TIMELESS: variants seen among roughly 807,000 people sequenced by gnomAD.
TIMELESS encodes the protein timeless circadian regulator.
In TIMELESS, 124 loss-of-function variants were observed where a neutral mutation model predicts 164.3. The ratio of observed to expected loss-of-function variants is 0.75; its 90% CI spans 0.65 to 0.88. The LOEUF (loss-of-function observed/expected upper bound fraction) is 0.88, where lower values mean the gene tolerates loss of function less well. TIMELESS is among the 40% of genes least tolerant of loss of function. The pLI, the probability that TIMELESS is intolerant of heterozygous loss-of-function variation, is 0.00. For missense variants in TIMELESS, 1,422 were observed against 1,491.4 expected (o/e 0.95, Z 0.77); for synonymous variants, 564 against 563.4 (o/e 1.00, Z -0.02).
intron 19 of TIMELESS, among the ~76,000 whole-genome samples, chr12:56,422,467 T>C (rs776700733): frequency 3.9e-5 from 6 of 152,040 alleles, no homozygotes; most frequent in Non-Finnish European, 8.8e-5. Flanking sequence ...AGAGACTAAG[T>C]GTGAAAGGAG....
chr12:56,434,320 C>A, intron 1 of TIMELESS, 89 bp from the exon 2 acceptor site: 1 of 651,902 alleles, frequency 1.5e-6, no homozygotes, highest in South Asian at 1.9e-5. Flanking sequence ...TCAGAATATT[C>A]TGAACAAGAT....
Position 56,421,413 on chromosome 12 carries a change from G to A in TIMELESS, c.2806C>T (p.Leu936=), listed in dbSNP as rs753128564. The change falls in exon 23 of 29, where the codon CTG becomes TTG. Residue 936 remains leucine (L), a synonymous_variant. Coordinates refer to ENST00000553532, the MANE Select transcript of TIMELESS (RefSeq NM_003920.5). ...TACAGCTCCCGCCGCTCAGCCACCA[G>A]CCCCAGAGCCAAGAGTTTATCCACT... The part of the protein sequence containing the change: ...RIVDKLLALG[L]VAERRELYKK... 1.2e-6 allele frequency: 2 copies of A among 1,614,112 alleles called. No homozygotes were observed.
Position 56,428,316 on chromosome 12 carries a change from G to T in TIMELESS, c.1498C>A (p.Arg500Ser), listed in dbSNP as rs762709152. 1 of 1,613,612 alleles carries T rather than the reference G, an allele frequency of 6.2e-7. No individual in the cohort carries two copies. Among genetic ancestry groups the T allele is most frequent in the Non-Finnish European group, 8.5e-7 (1 of 1,179,710 alleles). Residue 500 changes from arginine to serine, a missense_variant, in exon 13 of 29, where the codon CGT becomes AGT. Transcript: ENST00000553532. ...AGGTGGGTGGTCTCCACCAGGTCAC[G>T]AAGGAAAGAGCGGGGCTGGCATCTC... ...DERCQPRSFLRDLVETTHLFL... is the reference protein window; with the variant it reads ...DERCQPRSFLSDLVETTHLFL...
intron 26 of TIMELESS, among the ~76,000 whole-genome samples, chr12:56,419,193 T>C (rs1004074556): frequency 1.3e-5 from 2 of 151,704 alleles, no homozygotes; most frequent in Non-Finnish European, 2.9e-5. Flanking sequence ...GGTTTTGCCA[T>C]GTTGGCCAGG....
chr12:56,422,185 G>T lies in TIMELESS; in HGVS notation c.2445C>A (p.Ser815=). 1.2e-6 allele frequency: 2 copies of T among 1,613,962 alleles called. No homozygotes were observed. The highest frequency in any genetic ancestry group is 1.7e-6 in the Non-Finnish European group (2 of 1,180,002). The change falls in exon 20 of 29, where the codon TCC becomes TCA. Residue 815 remains serine, a synonymous_variant. Transcript: ENST00000553532. ...GGCTCCATGTAGGTGCTCTGCGACTGGAAGACCTGAATGGTGAAAGGAGAA... is the reference window on the plus strand; with the variant it reads ...GGCTCCATGTAGGTGCTCTGCGACTTGAAGACCTGAATGGTGAAAGGAGAA... ...EGYGSLDDRS[S]SRRAPTWSPE... is the part of the protein sequence containing the mutation.
At chr12:56,443,823 G>C (rs1204334496) in intron 1 of TIMELESS, among the ~76,000 whole-genome samples, 1 of 151,908 alleles carries the variant, frequency 6.6e-6, no homozygotes, top group African/African-American at 2.4e-5. Flanking sequence ...ATTGGGGGCT[G>C]GTTCCCCCGA....
At position 56,433,387 on chromosome 12, in the gene TIMELESS, C is replaced by T. The variant is rs781193317; in HGVS notation, c.423G>A (p.Leu141=). Reference sequence around the variant, plus strand: ...AAGGTGAAGACTCACTCACCAGCTGCAGCAGCTCATACAAGGTTTCACTGA... The same window carrying T: ...AAGGTGAAGACTCACTCACCAGCTGTAGCAGCTCATACAAGGTTTCACTGA... ...GVLSETLYEL[L]QLGWEERQEE... The change falls in exon 5 of 29, where the codon CTG becomes CTA. Residue 141 remains leucine, a synonymous_variant. Coordinates refer to ENST00000553532, the MANE Select transcript of TIMELESS (RefSeq NM_003920.5). 6.2e-7 allele frequency: 1 copy of T among 1,614,222 alleles called. No homozygotes were observed. The highest frequency in any genetic ancestry group is 1.1e-5 in the South Asian group (1 of 91,086).
rs1417067291 is a variant in TIMELESS at position 56,422,868 on chromosome 12, C to A, written c.2417G>T (p.Gly806Val). The A allele has an allele frequency of 6.2e-7, 1 of 1,610,020 alleles. No individual in the cohort carries two copies. Among genetic ancestry groups the A allele is most frequent in the Non-Finnish European group, 8.5e-7 (1 of 1,178,222 alleles). ...NTAVVREMTE[G>V]YGSLDDRSSS... ...TCACCTGTCATCCAGGGAGCCATAG[C>A]CCTCAGTCATCTCTCGAACCACAGC... is the stretch of plus-strand genomic sequence containing the variant. Residue 806 changes from glycine (G) to valine (V), a missense_variant, in exon 19 of 29, where the codon GGC (glycine) becomes GTC (valine). Transcript: ENST00000553532.
intron 1 of TIMELESS, among the ~76,000 whole-genome samples, chr12:56,438,827 C>G (rs1353259929): frequency 7.6e-6 from 1 of 132,178 alleles, no homozygotes; most frequent in Non-Finnish European, 1.6e-5. Flanking sequence ...CTGACTGATA[C>G]ATGCCATGAA....
rs1395407524 is a variant in TIMELESS at position 56,423,467 on chromosome 12, C to T, written c.2099G>A (p.Cys700Tyr). 2.5e-6 allele frequency: 4 copies of T among 1,614,080 alleles called. No homozygotes were observed. The South Asian group carries it at 3.3e-5, about 13-fold the overall frequency. ...CACATAGGCTCGAACGACAGTTGAA[C>T]ATGCAAAGCTGCACCAAAACAAGGA... ...NFLDYLKRFA[C>Y]STVVRAYVLL... is the part of the protein sequence containing the mutation. The change falls in exon 18 of 29, where the codon TGT becomes TAT. Residue 700 changes from cysteine to tyrosine, a missense_variant. Coordinates refer to ENST00000553532, the MANE Select transcript of TIMELESS (RefSeq NM_003920.5).
rs377715072 is a variant in TIMELESS at position 56,422,906 on chromosome 12, G to C, written c.2379C>G (p.Phe793Leu). ...CTCGAACCACAGCTGTGTTCTTCCA[G>C]AACAACAGCTCCACAAAGGCTTTTT... ...VNQKAFVELL[F>L]WKNTAVVREM... Residue 793 changes from phenylalanine to leucine, a missense_variant, in exon 19 of 29, where the codon TTC becomes TTG. Physicochemically the swap from Phe to Leu is conservative, Grantham distance 22. Transcript: ENST00000553532. 7 of 1,608,462 alleles carry C rather than the reference G, an allele frequency of 4.4e-6. No homozygotes were observed. The highest frequency in any genetic ancestry group is 5.9e-6 in the Non-Finnish European group (7 of 1,176,974).
intron 13 of TIMELESS, among the ~76,000 whole-genome samples, chr12:56,427,451 T>G (rs1881714426): frequency 2.0e-5 from 3 of 152,206 alleles, no homozygotes; most frequent in African/African-American, 7.2e-5. Context: ...GATTCCACTT[T>G]GGGTTCATGG....
In TIMELESS at chr12:56,423,646, CTCTTCCTCCTCCTCCTCCTCT is replaced by C. The variant is rs1311574765; in HGVS notation, c.2007_2027del (p.Glu672_Glu678del). ...ACACCTGGACCACTTGCAACTCCTC[CTCTTCCTCCTCCTCCTCCTCT>C]TCTTCTTCCTCTGCCCCACGTTCCT... On this transcript the variant is annotated inframe_deletion, in exon 17 of 29. Transcript: ENST00000553532. The C allele has an allele frequency of 6.2e-7, 1 of 1,613,568 alleles. No individual in the cohort carries two copies.
chr12:56,431,612 G>A lies in TIMELESS; in HGVS notation c.688-8C>T, dbSNP rs774910589. 1.6e-5 allele frequency: 25 copies of A among 1,606,178 alleles called. No individual in the cohort carries two copies. The Admixed American group carries it at 3.2e-4, about 20-fold the overall frequency. ...CGCCAGCTGCTCGGGGTTCTAGATT[G>A]GAACAAAGAGGGAAGAATCAGGAGG... On this transcript the variant is annotated splice_polypyrimidine_tract_variant and splice_region_variant and intron_variant, in intron 7 of 28. Coordinates refer to ENST00000553532, the MANE Select transcript of TIMELESS (RefSeq NM_003920.5).
chr12:56,438,925 A>G (rs1255052074), intron 1 of TIMELESS, among the ~76,000 whole-genome samples: 2 of 151,822 alleles, frequency 1.3e-5, no homozygotes, highest in African/African-American at 2.4e-5. Flanking sequence ...GCACTTTTGG[A>G]GGCCAAGGTG....
chr12:56,433,538 C>T lies in TIMELESS; in HGVS notation c.366G>A (p.Glu122=), dbSNP rs1240047228. Reference sequence around the variant, plus strand: ...CAGGGACTCCAAAGGAAATCCTCACCTCTTTGTAGGCCTGCAAATAAGTTA... The same window carrying T: ...CAGGGACTCCAAAGGAAATCCTCACTTCTTTGTAGGCCTGCAAATAAGTTA... ...QVLTYLQAYK[E]AFASEKAFGV... is the part of the protein sequence containing the mutation. Residue 122 remains glutamate, a splice_region_variant and synonymous_variant, in exon 4 of 29, where the codon GAG becomes GAA. Transcript: ENST00000553532. The T allele has an allele frequency of 1.2e-6, 2 of 1,614,212 alleles. No individual in the cohort carries two copies. Among genetic ancestry groups the T allele is most frequent in the South Asian group, 2.2e-5 (2 of 91,086 alleles).
At chr12:56,441,239 A>G (rs1268528994) in intron 1 of TIMELESS, among the ~76,000 whole-genome samples, 1 of 152,218 alleles carries the variant, frequency 6.6e-6, no homozygotes, top group East Asian at 1.9e-4. Flanking sequence ...CTGATCTGCA[A>G]CAGCTTGAGG....
intron 1 of TIMELESS, among the ~76,000 whole-genome samples, chr12:56,444,604 T>A (rs990494237): frequency 6.6e-6 from 1 of 151,996 alleles, no homozygotes; most frequent in African/African-American, 2.4e-5. Context: ...TGATGTGCAG[T>A]GGTGCGATCT....
chr12:56,432,872 G>A (rs897105276), intron 6 of TIMELESS, among the ~76,000 whole-genome samples, 154 bp downstream of exon 6: 14 of 146,968 alleles, frequency 9.5e-5, no homozygotes, highest in African/African-American at 3.5e-4. Context: ...GGAGAATGGC[G>A]TGAACCCAGG....
Sources: gnomAD v4.1 joint callset for allele counts (sites outside exome capture counted in the v4.1 genomes callset) on GRCh38, gnomAD v4.1.1 for gene constraint, MANE v1.5 for transcripts, NCBI Gene and HGNC (gene_info 2026-07-23, HGNC 2026-07-21) for gene names.